RAD51B: variants seen among roughly 807,000 people sequenced by gnomAD.
RAD51B encodes the protein RAD51 paralog B.
RAD51B carries 38 observed loss-of-function variants against 42.2 expected under a neutral mutation model. The observed-to-expected ratio is 0.90, with a 90% CI of 0.70 to 1.18. The LOEUF (loss-of-function observed/expected upper bound fraction) is 1.18. Among genes scored for constraint, RAD51B ranks in the 50% most tolerant of loss-of-function variants. The pLI, the probability that RAD51B is intolerant of heterozygous loss-of-function variation, is 0.00. For synonymous variants in RAD51B, 154 were observed against 145.2 expected, an observed-to-expected ratio of 1.06 and a Z score of -0.43; for missense variants, 373 against 400.7, an observed-to-expected ratio of 0.93 and a Z score of 0.59.
intron 3 of RAD51B, among the ~76,000 whole-genome samples, 178 bp from the exon 4 acceptor site, chr14:67,834,902 T>C (rs894316990): frequency 3.3e-5 from 5 of 152,210 alleles, no homozygotes; most frequent in Admixed American, 2.6e-4. Flanking sequence ...TGTTATGTCA[T>C]ATCCCCATAA....
At chr14:68,075,783 C>T (rs1438478052) in intron 7 of RAD51B, among the ~76,000 whole-genome samples, 3 of 150,462 alleles carry the variant, frequency 2.0e-5, no homozygotes, top group Non-Finnish European at 3.0e-5. Flanking sequence ...GGTGAGGGCT[C>T]ACAGGGAAGG....
intron 10 of RAD51B, among the ~76,000 whole-genome samples, chr14:68,639,584 C>T (rs144766612): frequency 2.0e-5 from 3 of 152,080 alleles, no homozygotes; most frequent in Non-Finnish European, 1.5e-5. Context: ...GCAGGCAGAG[C>T]GTCTATATTT....
chr14:68,231,300 T>G (rs2080144606), intron 7 of RAD51B, among the ~76,000 whole-genome samples: 1 of 152,208 alleles, frequency 6.6e-6, no homozygotes, highest in Non-Finnish European at 1.5e-5. Context: ...TTTCTTATCC[T>G]TAACCACTCC....
intron 7 of RAD51B, among the ~76,000 whole-genome samples, chr14:67,937,377 G>A (rs1264950147): frequency 6.6e-6 from 1 of 152,166 alleles, no homozygotes; most frequent in Non-Finnish European, 1.5e-5. Context: ...GGTGTCTCAG[G>A]TAAGATATAC....
At chr14:68,339,411 C>G in intron 8 of RAD51B, 1 of 734,132 alleles carries the variant, frequency 1.4e-6, no homozygotes, top group Non-Finnish European at 2.3e-6. Flanking sequence ...CTGTCCAATG[C>G]CAAAATTCTT....
chr14:67,852,911 T>C (rs1271606813), intron 4 of RAD51B, among the ~76,000 whole-genome samples: 1 of 152,202 alleles, frequency 6.6e-6, no homozygotes, highest in Admixed American at 6.5e-5. Flanking sequence ...GAGATGTCAC[T>C]CCCATGATTA....
intron 7 of RAD51B, among the ~76,000 whole-genome samples, chr14:68,290,789 T>C (rs2139657573): frequency 9.9e-6 from 1 of 100,846 alleles, no homozygotes; most frequent in East Asian, 6.2e-4. Context: ...TTATTTTATT[T>C]ATTTATTTTT....
At chr14:68,356,978 G>A (rs1248631178) in intron 8 of RAD51B, among the ~76,000 whole-genome samples, 52 of 64,236 alleles carry the variant, frequency 8.1e-4, no homozygotes, top group South Asian at 4.3e-3. Flanking sequence ...GCGAGACTCC[G>A]TCTCAAAAAA....
At chr14:68,656,719 C>T (rs547981959) in intron 11 of RAD51B, among the ~76,000 whole-genome samples, 8 of 152,294 alleles carry the variant, frequency 5.3e-5, no homozygotes, top group African/African-American at 1.9e-4. Flanking sequence ...CCCAGGTCCC[C>T]CACCCCTGAG....
rs562484024 is a variant in RAD51B, at chr14:68,670,159, C to A, written c.*11+19303C>A. On this transcript the variant is annotated intron_variant, in intron 11 of 11. Transcript: ENST00000488612. ...ACTATGTTATTGTAACTTCCACAGA[C>A]CAGGCCGACCCTTCCTTGTGACGGG... Among the ~76,000 whole-genome samples the A allele has an allele frequency of 2.6e-5, 4 of 152,308 alleles. No homozygotes were observed. In the East Asian group the frequency reaches 7.7e-4, roughly 29 times the overall value.
At chr14:67,820,294 C>T (rs980467088) in intron 1 of RAD51B, among the ~76,000 whole-genome samples, 1 of 152,154 alleles carries the variant, frequency 6.6e-6, no homozygotes, top group Non-Finnish European at 1.5e-5. Flanking sequence ...TAACTTTGCC[C>T]AAGTTTCTCA....
intron 8 of RAD51B, among the ~76,000 whole-genome samples, chr14:68,385,497 C>T (rs1015050612): frequency 1.3e-5 from 2 of 152,112 alleles, no homozygotes; most frequent in Non-Finnish European, 1.5e-5. Flanking sequence ...GAAGAAGAGC[C>T]CATATGGCAG....
intron 7 of RAD51B, among the ~76,000 whole-genome samples, chr14:67,973,672 C>G (rs140716614): frequency 9.0e-4 from 137 of 152,240 alleles, no homozygotes; most frequent in Non-Finnish European, 1.6e-3. Flanking sequence ...GGCAGCTGTT[C>G]TGAGTAAATG....
intron 7 of RAD51B, among the ~76,000 whole-genome samples, chr14:68,186,764 G>C (rs955346465): frequency 5.9e-5 from 9 of 152,140 alleles, no homozygotes; most frequent in African/African-American, 2.2e-4. Flanking sequence ...ACTGTTGGTG[G>C]GAATGTAAAT....
intron 9 of RAD51B, chr14:68,421,720 G>A: frequency 2.5e-6 from 4 of 1,589,060 alleles, no homozygotes; most frequent in Non-Finnish European, 3.4e-6. Context: ...TCCACAGTCA[G>A]CAATGGTGAT....
Position 67,914,006 on chromosome 14 carries a change from G to T in RAD51B, c.756+26802G>T, listed in dbSNP as rs547434659. On this transcript the variant is annotated intron_variant, in intron 7 of 10. Coordinates refer to ENST00000471583, the MANE Select transcript of RAD51B (RefSeq NM_133510.4). ...AGTTCAATTTTTTTTTTTTTGAGAT[G>T]GGGCCTCGCTCTTTCACCCAGGCTG... Among the ~76,000 whole-genome samples, 11 of 147,970 alleles carry T rather than the reference G, an allele frequency of 7.4e-5. No individual in the cohort carries two copies. The South Asian group carries it at 1.9e-3, about 26-fold the overall frequency.
intron 10 of RAD51B, among the ~76,000 whole-genome samples, chr14:68,485,482 A>G (rs1013342955): frequency 2.0e-5 from 3 of 152,190 alleles, no homozygotes; most frequent in Admixed American, 6.5e-5. Context: ...TGTTCCCACC[A>G]TGGGACCCAG....
chr14:68,457,138 C>A (rs1382983642), intron 9 of RAD51B, among the ~76,000 whole-genome samples: 1 of 151,728 alleles, frequency 6.6e-6, no homozygotes, highest in Non-Finnish European at 1.5e-5. Context: ...GTCTTGAACT[C>A]CTGGCCTCAA....
intron 7 of RAD51B, among the ~76,000 whole-genome samples, chr14:67,902,582 A>C (rs2043648039): frequency 6.6e-6 from 1 of 152,196 alleles, no homozygotes; most frequent in Admixed American, 6.5e-5. Flanking sequence ...TTATTATTTA[A>C]AGATGTAGAA....
Sources: gnomAD v4.1 joint callset for allele counts (sites outside exome capture counted in the v4.1 genomes callset) on GRCh38, gnomAD v4.1.1 for gene constraint, MANE v1.5 for transcripts, NCBI Gene and HGNC (gene_info 2026-07-23, HGNC 2026-07-21) for gene names.